The following PSD4 variants were observed in gnomAD, a reference collection of about 807,000 sequenced individuals.
PSD4 encodes PH and SEC7 domain-containing protein 4.
PSD4 carries 59 observed loss-of-function variants against 112.5 expected under a neutral mutation model. That is an observed-to-expected ratio of 0.52 (90% confidence interval 0.43 to 0.65). PSD4 has a LOEUF of 0.65. Ranked by LOEUF, PSD4 falls within the 30% of genes least tolerant of loss-of-function variation. The pLI, the probability that PSD4 is intolerant of heterozygous loss-of-function variation, is 0.00. For synonymous variants in PSD4, 533 were observed against 540.0 expected (o/e 0.99, Z 0.18); for missense variants, 1,267 against 1,352.6 (o/e 0.94, Z 0.99).
chr2:113,183,580 G>A (rs1235762119), intron 2 of PSD4, 68 bp downstream of exon 2: 40 of 1,379,976 alleles, frequency 2.9e-5, no homozygotes, highest in Non-Finnish European at 3.8e-5. Context: ...TTCCTCGGGG[G>A]TCACCAGGCC....
At chr2:113,186,329 G>T in intron 5 of PSD4, 74 bp downstream of exon 5, 1 of 1,430,020 alleles carries the variant, frequency 7.0e-7, no homozygotes, top group South Asian at 1.4e-5. Context: ...CTGGATGGAG[G>T]GTGAGAAATG....
At chr2:113,181,201 C>T (rs1208014073) in intron 1 of PSD4, among the ~76,000 whole-genome samples, 3 of 150,718 alleles carry the variant, frequency 2.0e-5, no homozygotes, top group African/African-American at 7.3e-5. Context: ...ACACTCCAAC[C>T]CGGGTGACAG....
In PSD4 at chr2:113,201,502, C is replaced by T; in HGVS notation, c.*87C>T. 1 of 1,510,326 alleles carries T rather than the reference C, an allele frequency of 6.6e-7. No homozygotes were observed. The highest frequency in any genetic ancestry group is 9.0e-7 in the Non-Finnish European group (1 of 1,114,784). The allele number at this position is 1,510,326 out of a possible 1,614,324, so 93.6% of individuals were successfully genotyped here. A position where few individuals can be genotyped will look rare whatever the true frequency, so the allele number is the denominator to read the frequency against. On this transcript the variant is annotated 3_prime_UTR_variant, in exon 17 of 17. Coordinates refer to ENST00000245796, the MANE Select transcript of PSD4 (RefSeq NM_012455.3). ...TGGAGGAGACTTATTTCAATGAGTC[C>T]ACCATGACGGATGAGGCACCTCCTT...
At position 113,193,372 on chromosome 2, in the gene PSD4, T is replaced by C. The variant is rs1558893532; in HGVS notation, c.2032+2T>C. 1 of 1,607,016 alleles carries C rather than the reference T, an allele frequency of 6.2e-7. No homozygotes were observed. Among genetic ancestry groups the C allele is most frequent in the Non-Finnish European group, 8.5e-7 (1 of 1,177,590 alleles). On this transcript the variant is annotated splice_donor_variant, in intron 8 of 16. Transcript: ENST00000245796. LOFTEE classifies it high-confidence loss of function. ...ATCCGGGGATCTTCCCCTCAGTAGG[T>C]AGGGAGGGGCTGGCCCTGACAGCAA... is the stretch of plus-strand genomic sequence containing the variant.
intron 5 of PSD4, among the ~76,000 whole-genome samples, chr2:113,191,709 T>C (rs45615241): frequency 1.7e-3 from 266 of 152,166 alleles, no homozygotes; most frequent in Middle Eastern, 0.01. Context: ...AAGAGTCAGG[T>C]TTAGATTGGA....
chr2:113,197,312 A>G, intron 12 of PSD4: 2 of 551,328 alleles, frequency 3.6e-6, no homozygotes, highest in East Asian at 6.3e-5. Flanking sequence ...ATGTATGAAT[A>G]TCTATATTTG....
intron 5 of PSD4, among the ~76,000 whole-genome samples, chr2:113,189,858 ATTAT>A (rs1316385479): frequency 1.3e-5 from 2 of 151,704 alleles, no homozygotes; most frequent in Admixed American, 6.6e-5. Flanking sequence ...TCTTGATGGG[ATTAT>A]TTGTTTTTTT....
chr2:113,201,135 G>T, intron 16 of PSD4, 23 bp from the exon 17 acceptor site: 4 of 1,591,828 alleles, frequency 2.5e-6, no homozygotes, highest in Non-Finnish European at 3.4e-6. Context: ...TGGTGCTAAG[G>T]TGGTGGGGCC....
Position 113,201,524 on chromosome 2 carries a change from CCTT to C in PSD4, c.*110_*112del. 1 of 1,416,184 alleles carries C rather than the reference CCTT, an allele frequency of 7.1e-7. No homozygotes were observed. Among genetic ancestry groups the C allele is most frequent in the Non-Finnish European group, 9.6e-7 (1 of 1,044,716 alleles). The allele number at this position is 1,416,184 out of a possible 1,614,324, so 87.7% of individuals were successfully genotyped here. ...GTCCACCATGACGGATGAGGCACCT[CCTT>C]TCCCTGCTGAAGGACAAACCTTGTT... On this transcript the variant is annotated 3_prime_UTR_variant, in exon 17 of 17. Coordinates refer to ENST00000245796, the MANE Select transcript of PSD4 (RefSeq NM_012455.3).
chr2:113,193,125 TC>T lies in PSD4; in HGVS notation c.1918del (p.Arg640GlyfsTer38). The T allele has an allele frequency of 6.2e-7, 1 of 1,613,712 alleles. No homozygotes were observed. The highest frequency in any genetic ancestry group is 8.5e-7 in the Non-Finnish European group (1 of 1,179,598). ...GGAGGCCAGAGTCTGGACCGAGCCC[TC>T]CGGTAATGTCTTTGGGCCCTCTCTG... ...QFGGQSLDRA[L>X]RSFLQALVLS... On this transcript the variant is annotated frameshift_variant and splice_region_variant, in exon 7 of 17. Transcript: ENST00000245796. LOFTEE classifies it high-confidence loss of function.
rs45528032 is a variant in PSD4, at chr2:113,193,147, C to G, written c.1919+19C>G. Reference sequence around the variant, plus strand: ...CCCTCCGGTAATGTCTTTGGGCCCTCTCTGGGGAGGCTGTGGAGGATGGCA... The same window carrying G: ...CCCTCCGGTAATGTCTTTGGGCCCTGTCTGGGGAGGCTGTGGAGGATGGCA... On this transcript the variant is annotated intron_variant, in intron 7 of 16. Transcript: ENST00000245796. 168 of 1,611,828 alleles carry G rather than the reference C, an allele frequency of 1.0e-4. No homozygotes were observed. The highest frequency in any genetic ancestry group is 1.3e-4 in the Non-Finnish European group (154 of 1,178,068).
chr2:113,195,781 C>G lies in PSD4; in HGVS notation c.2225+11C>G. ...GCTCGAGTGGGCCGTGTGAGTGAGA[C>G]TCCCTTTCCCCTCTCCCTCTCACCC... is the stretch of plus-strand genomic sequence containing the variant. On this transcript the variant is annotated intron_variant, in intron 11 of 16. Transcript: ENST00000245796. 1 of 1,614,134 alleles carries G rather than the reference C, an allele frequency of 6.2e-7. No individual in the cohort carries two copies. Among genetic ancestry groups the G allele is most frequent in the Non-Finnish European group, 8.5e-7 (1 of 1,180,020 alleles).
rs754791695 is a variant in PSD4, at chr2:113,183,097, A to G, written c.641A>G (p.Asp214Gly). ...CCTGAGAATGAAGACTCAGGGGAAG[A>G]CAGCAGTGAGCCTGAGGGAGAGGGC... The part of the protein sequence containing the change: ...SPPENEDSGE[D>G]SSEPEGEGQA... Residue 214 changes from aspartate (D) to glycine (G), a missense_variant, in exon 2 of 17, where the codon GAC becomes GGC. Coordinates refer to ENST00000245796, the MANE Select transcript of PSD4 (RefSeq NM_012455.3). 6.2e-7 allele frequency: 1 copy of G among 1,613,568 alleles called. No homozygotes were observed. The highest frequency in any genetic ancestry group is 8.5e-7 in the Non-Finnish European group (1 of 1,179,640).
Position 113,183,365 on chromosome 2 carries a change from G to A in PSD4, c.909G>A (p.Glu303=). 1 of 1,585,200 alleles carries A rather than the reference G, an allele frequency of 6.3e-7. No individual in the cohort carries two copies. The highest frequency in any genetic ancestry group is 1.3e-5 in the African/African-American group (1 of 74,206). The stretch of plus-strand genomic sequence containing the variant: ...CAGTGCTGTGGGAGCTGGAAAGTGA[G>A]CCAGATTTGGGGGACGGCGCTGCTA... The part of the protein sequence containing the change: ...EDTVLWELES[E]PDLGDGAAIS... The change falls in exon 2 of 17, where the codon GAG becomes GAA. Residue 303 remains glutamate (E), a synonymous_variant. Transcript: ENST00000245796.
At chr2:113,187,623 C>G (rs1688335502) in intron 5 of PSD4, among the ~76,000 whole-genome samples, 1 of 152,204 alleles carries the variant, frequency 6.6e-6, no homozygotes, top group Non-Finnish European at 1.5e-5. Context: ...AGATGTCACT[C>G]AATCCAATCT....
chr2:113,178,793 C>T (rs1178344168), intron 1 of PSD4, among the ~76,000 whole-genome samples: 5 of 151,954 alleles, frequency 3.3e-5, no homozygotes, highest in African/African-American at 9.7e-5. Flanking sequence ...CATTCAGGTA[C>T]AATGTGTGGA....
At chr2:113,185,784 G>A in intron 4 of PSD4, 93 bp from the exon 5 acceptor site, 3 of 1,552,080 alleles carry the variant, frequency 1.9e-6, no homozygotes, top group African/African-American at 1.4e-5. Context: ...GGCTCCAGGG[G>A]AGGAGCCCCA....
At chr2:113,188,231 A>AT (rs1688351870) in intron 5 of PSD4, among the ~76,000 whole-genome samples, 1 of 152,184 alleles carries the variant, frequency 6.6e-6, no homozygotes, top group African/African-American at 2.4e-5. Flanking sequence ...TTATCATAAA[A>AT]TTGTACCCTT....
intron 12 of PSD4, chr2:113,197,227 G>A (rs1688637331): frequency 1.0e-5 from 4 of 388,786 alleles, no homozygotes; most frequent in Non-Finnish European, 2.0e-5. Flanking sequence ...TGTCTGGGAG[G>A]AGCTGTGTTT....
Sources: allele counts gnomAD v4.1 joint callset (sites outside exome capture counted in the v4.1 genomes callset), GRCh38; gene constraint gnomAD v4.1.1; transcripts MANE v1.5; gene names NCBI Gene and HGNC (gene_info 2026-07-23, HGNC 2026-07-21).